Variants in ASIC2 observed in about 807,000 individuals in gnomAD.
ASIC2 encodes the protein acid-sensing ion channel 2.
A neutral mutation model predicts 57.3 loss-of-function variants in ASIC2; 25 were observed. The ratio of observed to expected loss-of-function variants is 0.44; its 90% confidence interval spans 0.32 to 0.61. ASIC2 has a LOEUF of 0.61. Ranked by LOEUF, ASIC2 falls within the 20% of genes least tolerant of loss-of-function variation. The pLI is 0.06. For missense variants in ASIC2, 641 were observed against 738.1 expected, an observed-to-expected ratio of 0.87 and a Z score of 1.52; for synonymous variants, 319 against 307.5, an observed-to-expected ratio of 1.04 and a Z score of -0.39.
intron 1 of ASIC2, among the ~76,000 whole-genome samples, chr17:33,301,673 T>C (rs1033175118): frequency 3.3e-5 from 5 of 152,194 alleles, no homozygotes; most frequent in African/African-American, 1.2e-4. Context: ...TAAATATTCA[T>C]ATGAAATGTT....
rs548677449 is a variant in ASIC2 at position 34,075,820 on chromosome 17, T to C, written c.555+80158A>G. Among the ~76,000 whole-genome samples the C allele has an allele frequency of 3.1e-4, 40 of 131,066 alleles. No homozygotes were observed. The East Asian group carries it at 8.3e-3, about 27-fold the overall frequency. The allele number at this position is 131,066 out of a possible 152,430, so 86.0% of individuals were successfully genotyped here. On this transcript the variant is annotated intron_variant, in intron 1 of 9. Coordinates refer to the ASIC2 transcript ENST00000359872. ...TCACCTCTTTCAAGTCTTTTTCTTT[T>C]TCCTTTTTTTTTTTTTTTTTTTTTT...
At chr17:33,274,694 T>C (rs914259106) in intron 1 of ASIC2, among the ~76,000 whole-genome samples, 1 of 128,456 alleles carries the variant, frequency 7.8e-6, no homozygotes, top group African/African-American at 3.0e-5. Context: ...GCTTGGGCTT[T>C]AGCATTAAAA....
intron 3 of ASIC2, among the ~76,000 whole-genome samples, chr17:33,035,374 A>C (rs180845382): frequency 6.6e-6 from 1 of 152,234 alleles, no homozygotes; most frequent in East Asian, 1.9e-4. Context: ...TTGATTGTAT[A>C]CTAGGAGAGA....
chr17:33,200,019 C>T (rs185318858), intron 1 of ASIC2, among the ~76,000 whole-genome samples: 1 of 152,236 alleles, frequency 6.6e-6, no homozygotes, highest in East Asian at 1.9e-4. Flanking sequence ...TCCCAGCTTC[C>T]TGCCTTTGCA....
intron 1 of ASIC2, among the ~76,000 whole-genome samples, chr17:33,445,589 G>A (rs1001157552): frequency 6.6e-6 from 1 of 152,028 alleles, no homozygotes; most frequent in Non-Finnish European, 1.5e-5. Context: ...CCTGAGATCG[G>A]AAGTTCAAGA....
In ASIC2 at chr17:33,284,087, T is replaced by C. The variant is rs114946523; in HGVS notation, c.708+7321A>G. 2.7e-3 allele frequency among the ~76,000 whole-genome samples: 409 copies of C among 152,324 alleles called. 3 individuals carry two copies. Among genetic ancestry groups the C allele is most frequent in the African/African-American group, 9.5e-3 (394 of 41,576 alleles). ...TGTCTGGCAGAAAGAAGGAGCTCAA[T>C]AAACGTGTGTGGAATCGGAGGAAAC... On this transcript the variant is annotated intron_variant, in intron 1 of 9. Coordinates refer to ENST00000225823, the MANE Select transcript of ASIC2 (RefSeq NM_183377.2).
intron 1 of ASIC2, among the ~76,000 whole-genome samples, chr17:33,762,893 G>A (rs71379411): frequency 0.017 from 2,636 of 152,280 alleles, 79 homozygotes; most frequent in African/African-American, 0.06. Flanking sequence ...CTTCCAGTCC[G>A]TTGCGGGGCC....
chr17:33,512,019 T>C (rs760041441), intron 1 of ASIC2, among the ~76,000 whole-genome samples: 11 of 152,140 alleles, frequency 7.2e-5, no homozygotes, highest in Non-Finnish European at 1.2e-4. Flanking sequence ...GGAAAGCACA[T>C]CTTATTTTTA....
intron 1 of ASIC2, among the ~76,000 whole-genome samples, chr17:33,124,417 T>C (rs1447570516): frequency 2.0e-5 from 3 of 152,212 alleles, no homozygotes; most frequent in African/African-American, 7.2e-5. Flanking sequence ...ACAGACATAA[T>C]TGATTGATCA....
chr17:33,114,191 G>T (rs1238660293), intron 1 of ASIC2, among the ~76,000 whole-genome samples: 3 of 152,206 alleles, frequency 2.0e-5, no homozygotes, highest in Non-Finnish European at 4.4e-5. Context: ...CATGGCAGAG[G>T]AGAACAGCTG....
chr17:33,500,562 G>C (rs1914071358), intron 1 of ASIC2, among the ~76,000 whole-genome samples: 1 of 152,220 alleles, frequency 6.6e-6, no homozygotes, highest in South Asian at 2.1e-4. Context: ...AGAAAGAAGA[G>C]TTGCATGGTC....
At chr17:33,213,082 C>T (rs1907340083) in intron 1 of ASIC2, among the ~76,000 whole-genome samples, 1 of 152,258 alleles carries the variant, frequency 6.6e-6, no homozygotes, top group Non-Finnish European at 1.5e-5. Context: ...CCAAAACACA[C>T]TCTGTGCAGA....
At chr17:33,096,116 G>A (rs150399295) in intron 2 of ASIC2, among the ~76,000 whole-genome samples, 1,616 of 152,334 alleles carry the variant, frequency 0.011, 13 homozygotes, top group Non-Finnish European at 0.018. Context: ...GCCAGAGAGA[G>A]AAAGCAAGAA....
intron 1 of ASIC2, among the ~76,000 whole-genome samples, chr17:33,764,117 C>A (rs1910863628): frequency 6.6e-6 from 1 of 152,072 alleles, no homozygotes; most frequent in Admixed American, 6.6e-5. Flanking sequence ...CATGGTGAAA[C>A]CCTGTCTCTA....
At chr17:33,240,531 C>T (rs572982125) in intron 1 of ASIC2, among the ~76,000 whole-genome samples, 161 of 152,290 alleles carry the variant, frequency 1.1e-3, no homozygotes, top group Non-Finnish European at 1.7e-3. Context: ...GCCTCATCTC[C>T]AGGGACCCTG....
intron 1 of ASIC2, among the ~76,000 whole-genome samples, chr17:33,899,517 C>T (rs994230480): frequency 5.9e-5 from 9 of 152,170 alleles, no homozygotes; most frequent in East Asian, 3.9e-4. Context: ...ACCTGAGCAA[C>T]GGATGAATGA....
intron 1 of ASIC2, among the ~76,000 whole-genome samples, chr17:33,128,887 G>A (rs1274241096): frequency 6.6e-6 from 1 of 152,188 alleles, no homozygotes; most frequent in Non-Finnish European, 1.5e-5. Flanking sequence ...GACACAGTGA[G>A]TGTGCAACAA....
rs1158254891 is a variant in ASIC2, at chr17:33,128,950, A to G, written c.709-16883T>C. On this transcript the variant is annotated intron_variant, in intron 1 of 9. Transcript: ENST00000225823. ...ATTTTTCTCTCTTTGCTCCATCCCTAAAGAGTGGGACTGTTTCTTATTTAT... is the reference window on the plus strand; with the variant it reads ...ATTTTTCTCTCTTTGCTCCATCCCTGAAGAGTGGGACTGTTTCTTATTTAT... Among the ~76,000 whole-genome samples the G allele has an allele frequency of 2.0e-5, 3 of 152,224 alleles. No homozygotes were observed. In the East Asian group the frequency reaches 5.8e-4, roughly 29 times the overall value.
At chr17:33,067,613 C>T (rs896225986) in intron 3 of ASIC2, among the ~76,000 whole-genome samples, 3 of 152,146 alleles carry the variant, frequency 2.0e-5, no homozygotes, top group Non-Finnish European at 4.4e-5. Flanking sequence ...GCAGTTCAAC[C>T]ACTTCAGTAG....
Sources: gnomAD v4.1 joint callset for allele counts (sites outside exome capture counted in the v4.1 genomes callset) on GRCh38, gnomAD v4.1.1 for gene constraint, MANE v1.5 for transcripts, NCBI Gene and HGNC (gene_info 2026-07-23, HGNC 2026-07-21) for gene names.